Variants in CPSF4 observed in about 807,000 individuals in gnomAD.
CPSF4 encodes cleavage and polyadenylation specific factor 4.
A neutral mutation model predicts 37.7 loss-of-function variants in CPSF4; 11 were observed. The observed-to-expected ratio is 0.29, with a 90% CI of 0.18 to 0.48. The LOEUF (loss-of-function observed/expected upper bound fraction) is 0.48, where lower values mean the gene tolerates loss of function less well. Ranked by LOEUF, CPSF4 falls within the 20% of genes least tolerant of loss-of-function variation. The probability of loss-of-function intolerance (pLI) is 0.99; values close to 1 mark genes in which losing one functional copy is unlikely to be tolerated. For missense variants in CPSF4, 144 were observed against 359.5 expected, an observed-to-expected ratio of 0.40 and a Z score of 4.85; for synonymous variants, 132 against 135.9, an observed-to-expected ratio of 0.97 and a Z score of 0.20.
chr7:99,452,621 G>GA lies in CPSF4; in HGVS notation c.570+182dup, dbSNP rs1798014687. On this transcript the variant is annotated intron_variant, in intron 6 of 7. Transcript: ENST00000292476. Reference sequence around the variant, plus strand: ...CCGTGTATATCTCCCTCGAGAGACGGAGGGCCTCTTGCCCTAGAACCTCAG... The same window carrying GA: ...CCGTGTATATCTCCCTCGAGAGACGGAAGGGCCTCTTGCCCTAGAACCTCAG... 14 of 597,572 alleles carry GA rather than the reference G, an allele frequency of 2.3e-5. No individual in the cohort carries two copies. In the South Asian group the frequency reaches 2.7e-4, roughly 11 times the overall value. The allele number at this position is 597,572 out of a possible 1,614,324, so 37.0% of individuals were successfully genotyped here.
chr7:99,450,501 A>G (rs1184983711), intron 4 of CPSF4, 130 bp downstream of exon 4: 1 of 755,794 alleles, frequency 1.3e-6, no homozygotes, highest in African/African-American at 1.8e-5. Context: ...CGGCTTTCTC[A>G]CACTCCTCAT....
At chr7:99,440,674 A>ATTTTTTTTT (rs1195402168) in intron 1 of CPSF4, among the ~76,000 whole-genome samples, 2 of 88,086 alleles carry the variant, frequency 2.3e-5, no homozygotes, top group South Asian at 4.3e-4. Flanking sequence ...ATATATATAT[A>ATTTTTTTTT]TTTTTTTTTT....
chr7:99,442,334 TTTTTCTTTTC>T (rs1378782392), intron 1 of CPSF4, among the ~76,000 whole-genome samples: 2 of 152,062 alleles, frequency 1.3e-5, no homozygotes, highest in African/African-American at 4.8e-5. Context: ...CTGTGCTTTT[TTTTTCTTTTC>T]TTTTCTTTTT....
chr7:99,440,655 C>CGCGCATATATATATATATATAT (rs1363427698), intron 1 of CPSF4, among the ~76,000 whole-genome samples: 1 of 90,598 alleles, frequency 1.1e-5, no homozygotes, highest in African/African-American at 8.5e-5. Context: ...CTGCACCTGG[C>CGCGCATATATATATATATATAT]ATATATATAT....
intron 5 of CPSF4, among the ~76,000 whole-genome samples, chr7:99,451,572 T>G (rs1233821404): frequency 6.6e-6 from 1 of 152,206 alleles, no homozygotes; most frequent in African/African-American, 2.4e-5. Context: ...GCCACTGCAC[T>G]CCAGCCTGGG....
intron 7 of CPSF4, 113 bp from the exon 8 acceptor site, chr7:99,456,319 C>A (rs1474127085): frequency 5.7e-6 from 5 of 883,210 alleles, no homozygotes; most frequent in African/African-American, 1.6e-5. Flanking sequence ...CATGTCCCGA[C>A]TGGGGACTTG....
intron 1 of CPSF4, among the ~76,000 whole-genome samples, chr7:99,439,841 C>CA (rs1302154528): frequency 1.3e-5 from 2 of 152,120 alleles, no homozygotes; most frequent in African/African-American, 4.8e-5. Context: ...TTCTAGGACT[C>CA]ACTCTCCTGG....
chr7:99,450,871 C>CCAGGG (rs2151006504), intron 5 of CPSF4, 76 bp downstream of exon 5: 1 of 1,082,830 alleles, frequency 9.2e-7, no homozygotes, highest in Admixed American at 1.8e-5. Context: ...TTCCCTGGGC[C>CCAGGG]AACTGGGCCT....
At position 99,456,751 on chromosome 7, in the gene CPSF4, G is replaced by A. The variant is rs45469095; in HGVS notation, c.*251G>A. The A allele has an allele frequency of 1.5e-3, 828 of 562,980 alleles. 2 individuals are homozygous for A. The highest frequency in any genetic ancestry group is 0.014 in the African/African-American group (750 of 53,636). The allele number at this position is 562,980 out of a possible 1,614,324, so 34.9% of individuals were successfully genotyped here. A position where few individuals can be genotyped will look rare whatever the true frequency, so the allele number is the denominator to read the frequency against. ...GGCTGGGCATCGATGCCTCCTTTCTGGGACTCCCGGCACAACTCCCCTCAT... is the reference window on the plus strand; with the variant it reads ...GGCTGGGCATCGATGCCTCCTTTCTAGGACTCCCGGCACAACTCCCCTCAT... On this transcript the variant is annotated 3_prime_UTR_variant, in exon 8 of 8. Transcript: ENST00000292476.
intron 1 of CPSF4, among the ~76,000 whole-genome samples, chr7:99,440,655 C>T (rs981251432): frequency 3.3e-5 from 3 of 90,634 alleles, no homozygotes; most frequent in East Asian, 3.5e-4. Flanking sequence ...CTGCACCTGG[C>T]ATATATATAT....
chr7:99,444,952 A>G, intron 2 of CPSF4, 113 bp downstream of exon 2: 1 of 912,000 alleles, frequency 1.1e-6, no homozygotes, highest in South Asian at 1.4e-5. Flanking sequence ...CTACAGACTA[A>G]CGATCTCTGT....
At chr7:99,450,584 G>T in intron 4 of CPSF4, 118 bp from the exon 5 acceptor site, 1 of 890,670 alleles carries the variant, frequency 1.1e-6, no homozygotes. Flanking sequence ...GCCAGTGTTG[G>T]GAGGTGAGGT....
Position 99,444,784 on chromosome 7 carries a change from T to C in CPSF4, c.104-5T>C. The C allele has an allele frequency of 6.2e-7, 1 of 1,613,442 alleles. No individual in the cohort carries two copies. Among genetic ancestry groups the C allele is most frequent in the Non-Finnish European group, 8.5e-7 (1 of 1,179,528 alleles). On this transcript the variant is annotated splice_polypyrimidine_tract_variant and splice_region_variant and intron_variant, in intron 1 of 7. Coordinates refer to ENST00000292476, the MANE Select transcript of CPSF4 (RefSeq NM_006693.4). ...GATTCCTCTCCTTTTCTCTCCTTTC[T>C]ACAGAGTCGGGCGCTGCTGTCTGTG... is the stretch of plus-strand genomic sequence containing the variant.
rs773265574 is a variant in CPSF4, at chr7:99,448,203, G to T, written c.237G>T (p.Gly79=). The change falls in exon 3 of 8, where the codon GGG becomes GGT. Residue 79 remains glycine (G), a synonymous_variant. Coordinates refer to ENST00000292476, the MANE Select transcript of CPSF4 (RefSeq NM_006693.4). The surrounding 1 kb of genome is among the most constrained non-coding windows in gnomAD (Gnocchi z 4.4). ...GGCTGCGTGGCCTATGCAAGAAAGG[G>T]GACCAGTGTGAGTTCCTGCATGAGT... ...KHWLRGLCKK[G]DQCEFLHEYD... is the part of the protein sequence containing the mutation. 2 of 1,614,064 alleles carry T rather than the reference G, an allele frequency of 1.2e-6. No homozygotes were observed. The highest frequency in any genetic ancestry group is 1.3e-5 in the African/African-American group (1 of 74,924).
intron 2 of CPSF4, among the ~76,000 whole-genome samples, chr7:99,445,403 A>C (rs1467786019): frequency 6.7e-6 from 1 of 149,112 alleles, no homozygotes; most frequent in Non-Finnish European, 1.5e-5. Flanking sequence ...ACAGAGCAAG[A>C]CTCTATCTCA....
At chr7:99,446,570 C>A (rs962780177) in intron 2 of CPSF4, among the ~76,000 whole-genome samples, 6 of 151,572 alleles carry the variant, frequency 4.0e-5, no homozygotes, top group African/African-American at 7.3e-5. Context: ...CATGTGTATA[C>A]ATCACATTTC....
chr7:99,448,449 C>T lies in CPSF4; in HGVS notation c.307+176C>T. 4.0e-6 allele frequency: 2 copies of T among 499,924 alleles called. No homozygotes were observed. Among genetic ancestry groups the T allele is most frequent in the South Asian group, 2.7e-5 (1 of 36,802 alleles). The allele number at this position is 499,924 out of a possible 1,614,324, so 31.0% of individuals were successfully genotyped here. ...TTTTAGGGGACAGTGTGGCTATTTT[C>T]TGCTCATCTCTTTTTTTTTTTTTTT... On this transcript the variant is annotated intron_variant, in intron 3 of 7. Coordinates refer to ENST00000292476, the MANE Select transcript of CPSF4 (RefSeq NM_006693.4). The surrounding 1 kb of genome is among the most constrained non-coding windows in gnomAD (Gnocchi z 4.4).
intron 1 of CPSF4, chr7:99,443,433 G>GC (rs151100429): frequency 0.055 from 74,485 of 1,350,292 alleles, 3,854 homozygotes; most frequent in African/African-American, 0.25. Context: ...CAAACCACAA[G>GC]AAGACATTCT....
In CPSF4 at chr7:99,448,908, CCTG is replaced by C. The variant is rs1430306157; in HGVS notation, c.307+638_307+640del. 1 of 152,584 alleles carries C rather than the reference CCTG, an allele frequency of 6.6e-6. No individual in the cohort carries two copies. Among genetic ancestry groups the C allele is most frequent in the East Asian group, 1.9e-4 (1 of 5,208 alleles). 9.5% of individuals were successfully genotyped at this position (152,584 alleles called of 1,614,324 possible). A position where few individuals can be genotyped will look rare whatever the true frequency, so the allele number is the denominator to read the frequency against. On this transcript the variant is annotated intron_variant, in intron 3 of 7. Transcript: ENST00000292476. The surrounding 1 kb of genome is among the most constrained non-coding windows in gnomAD (Gnocchi z 4.4). Reference sequence around the variant, plus strand: ...TGGTAGCAACAAACTTGCCTTGAGCCCTGCTTAGAGAATGCGTGGCCTCAGCTG... The same window carrying C: ...TGGTAGCAACAAACTTGCCTTGAGCCCTTAGAGAATGCGTGGCCTCAGCTG...
Sources: gnomAD v4.1 joint callset for allele counts (sites outside exome capture counted in the v4.1 genomes callset) on GRCh38, gnomAD v4.1.1 for gene constraint, Gnocchi (gnomAD v3.1) non-coding constraint, MANE v1.5 for transcripts, NCBI Gene and HGNC (gene_info 2026-07-23, HGNC 2026-07-21) for gene names.